The following SUMF1 variants were observed in gnomAD, a reference collection of about 807,000 sequenced individuals.
SUMF1 encodes formylglycine-generating enzyme.
A neutral mutation model predicts 47.6 loss-of-function variants in SUMF1; 48 were observed. The ratio of observed to expected loss-of-function variants is 1.01; its 90% CI spans 0.80 to 1.28. SUMF1 has a LOEUF of 1.28. Among genes scored for constraint, SUMF1 ranks in the 50% most tolerant of loss-of-function variants. SUMF1 has a pLI of 0.00. For missense variants in SUMF1, 571 were observed against 485.4 expected (o/e 1.18, Z -1.66); for synonymous variants, 230 against 192.1 (o/e 1.20, Z -1.63).
rs188479635 is a variant in SUMF1, at chr3:4,260,829, T to G, written c.1014+115501A>C. ...CCACACCCAACCCTCCATATGTGCG[T>G]GTCCTAATCCCCAGATGGAAGAAGG... On this transcript the variant is annotated intron_variant and NMD_transcript_variant, in intron 8 of 12. Transcript: ENST00000448413. Among the ~76,000 whole-genome samples the G allele has an allele frequency of 4.1e-3, 629 of 152,220 alleles. 5 individuals carry two copies. Among genetic ancestry groups the G allele is most frequent in the African/African-American group, 0.015 (605 of 41,542 alleles).
At chr3:4,461,110 T>C (rs950230828) in intron 1 of SUMF1, among the ~76,000 whole-genome samples, 7 of 152,242 alleles carry the variant, frequency 4.6e-5, no homozygotes, top group African/African-American at 1.7e-4. Flanking sequence ...GTCATGACTG[T>C]AATGAGGAAT....
intron 8 of SUMF1, among the ~76,000 whole-genome samples, chr3:4,136,620 TG>T (rs1476763370): frequency 6.6e-6 from 1 of 151,638 alleles, no homozygotes. Flanking sequence ...AATTGACAAA[TG>T]GGATCTAATT....
chr3:4,170,795 C>A lies in SUMF1; in HGVS notation c.1015-102050G>T, dbSNP rs531361242. On this transcript the variant is annotated intron_variant and NMD_transcript_variant, in intron 8 of 12. Coordinates refer to the SUMF1 transcript ENST00000448413. ...ATATCCATTAACAACAACAAAAAAA[C>A]GAACTTTGATTCATTCCTTACACCT... Among the ~76,000 whole-genome samples the A allele has an allele frequency of 4.0e-3, 615 of 152,178 alleles. 3 individuals carry two copies. Among genetic ancestry groups the A allele is most frequent in the Non-Finnish European group, 6.3e-3 (425 of 67,978 alleles).
intron 8 of SUMF1, among the ~76,000 whole-genome samples, chr3:4,325,050 C>A (rs1698912955): frequency 6.6e-6 from 1 of 152,050 alleles, no homozygotes; most frequent in South Asian, 2.1e-4. Context: ...CTTACAAAAC[C>A]ATCAGATCTC....
At chr3:4,405,512 G>A (rs372488772) in intron 7 of SUMF1, among the ~76,000 whole-genome samples, 6 of 152,234 alleles carry the variant, frequency 3.9e-5, no homozygotes, top group South Asian at 4.1e-4. Context: ...TCAATCTGCC[G>A]GGTAGCTGGG....
chr3:4,466,021 G>T (rs541924558), intron 1 of SUMF1, among the ~76,000 whole-genome samples: 19 of 152,338 alleles, frequency 1.2e-4, no homozygotes, highest in Admixed American at 3.3e-4. Context: ...TTAGGAGTCA[G>T]AAGACCTGAC....
intron 8 of SUMF1, among the ~76,000 whole-genome samples, chr3:4,081,888 T>G (rs1039771493): frequency 6.6e-6 from 1 of 152,160 alleles, no homozygotes; most frequent in East Asian, 1.9e-4. Flanking sequence ...TCATACTTAA[T>G]GAATGTTAAC....
At chr3:4,424,106 G>A (rs929006861) in intron 3 of SUMF1, among the ~76,000 whole-genome samples, 2 of 152,080 alleles carry the variant, frequency 1.3e-5, no homozygotes, top group Non-Finnish European at 2.9e-5. Context: ...GCAATAATTG[G>A]CATAGAAAAT....
chr3:4,263,776 C>T (rs929618955), intron 8 of SUMF1, among the ~76,000 whole-genome samples: 1 of 152,168 alleles, frequency 6.6e-6, no homozygotes, highest in African/African-American at 2.4e-5. Context: ...CTCTCTGACC[C>T]TTATTCCATT....
chr3:4,313,619 C>G (rs1462577109), intron 8 of SUMF1: 2 of 1,614,078 alleles, frequency 1.2e-6, no homozygotes, highest in Non-Finnish European at 1.7e-6. Flanking sequence ...GGTGCCAAAT[C>G]ATGTACTGCT....
intron 7 of SUMF1, among the ~76,000 whole-genome samples, chr3:4,402,953 T>G (rs1701261533): frequency 1.3e-5 from 2 of 152,180 alleles, no homozygotes; most frequent in Non-Finnish European, 2.9e-5. Context: ...GCTACAAGCT[T>G]AACGGGAACC....
intron 8 of SUMF1, among the ~76,000 whole-genome samples, chr3:4,174,702 C>A (rs1694918788): frequency 1.3e-5 from 2 of 152,110 alleles, no homozygotes; most frequent in South Asian, 2.1e-4. Flanking sequence ...GGGTGCAGCC[C>A]ATGGAGGGTG....
chr3:4,115,648 T>G (rs1054687331), intron 8 of SUMF1, among the ~76,000 whole-genome samples: 8 of 152,230 alleles, frequency 5.3e-5, no homozygotes, highest in Middle Eastern at 3.4e-3. Flanking sequence ...ATAAGGGAAC[T>G]TTCCCCATTT....
intron 8 of SUMF1, among the ~76,000 whole-genome samples, chr3:4,205,175 T>C (rs182841909): frequency 2.1e-4 from 32 of 152,256 alleles, no homozygotes; most frequent in Admixed American, 1.6e-3. Flanking sequence ...AACTGATCAA[T>C]GTACTTTGCA....
chr3:4,071,724 C>G (rs925483820), intron 8 of SUMF1, among the ~76,000 whole-genome samples: 3 of 152,204 alleles, frequency 2.0e-5, no homozygotes, highest in Non-Finnish European at 4.4e-5. Context: ...CACAGCTCAG[C>G]AAGGCTGACT....
At chr3:4,296,353 A>G (rs1393167901) in intron 8 of SUMF1, among the ~76,000 whole-genome samples, 1 of 152,014 alleles carries the variant, frequency 6.6e-6, no homozygotes, top group Non-Finnish European at 1.5e-5. Context: ...ACAAAAATTC[A>G]TAAAGATCAT....
intron 3 of SUMF1, among the ~76,000 whole-genome samples, chr3:4,448,261 A>C (rs984353980): frequency 2.6e-5 from 4 of 152,202 alleles, no homozygotes; most frequent in African/African-American, 9.7e-5. Flanking sequence ...TTAAAGAGAA[A>C]GCAAACATAA....
At chr3:4,415,581 G>GCTCA (rs1177284474) in intron 6 of SUMF1, among the ~76,000 whole-genome samples, 2 of 152,328 alleles carry the variant, frequency 1.3e-5, no homozygotes, top group African/African-American at 4.8e-5. Context: ...GGGAGGCTGA[G>GCTCA]GCGGGAGGAT....
At chr3:4,221,400 G>T (rs1436474766) in intron 8 of SUMF1, among the ~76,000 whole-genome samples, 1 of 142,628 alleles carries the variant, frequency 7.0e-6, no homozygotes, top group African/African-American at 2.7e-5. Flanking sequence ...AATGCTTTGG[G>T]TTTGGTTTTT....
Sources: allele counts gnomAD v4.1 joint callset (sites outside exome capture counted in the v4.1 genomes callset), GRCh38; gene constraint gnomAD v4.1.1; transcripts MANE v1.5; gene names NCBI Gene and HGNC (gene_info 2026-07-23, HGNC 2026-07-21).